DDC: variants seen among roughly 807,000 people sequenced by gnomAD.
The protein encoded by DDC is dopa decarboxylase.
Under a neutral mutation model 60.0 loss-of-function variants are expected in DDC, and 43 were observed. The ratio of observed to expected loss-of-function variants is 0.72; its 90% CI spans 0.56 to 0.92. DDC has a LOEUF of 0.92. Among genes scored for constraint, DDC ranks in the 40% least tolerant of loss-of-function variants. The probability of loss-of-function intolerance (pLI) is 0.00; values close to 1 mark genes in which losing one functional copy is unlikely to be tolerated. For synonymous variants in DDC, 232 were observed against 234.6 expected (o/e 0.99, Z 0.10); for missense variants, 573 against 620.2 (o/e 0.92, Z 0.81).
intron 1 of DDC, among the ~76,000 whole-genome samples, chr7:50,560,056 C>A (rs1168707738): frequency 3.3e-5 from 5 of 152,334 alleles, no homozygotes; most frequent in Non-Finnish European, 5.9e-5. Flanking sequence ...CACCCCTTAA[C>A]TTGCTCTGTG....
chr7:50,493,115 C>A, intron 9 of DDC: 1 of 884,800 alleles, frequency 1.1e-6, no homozygotes, highest in South Asian at 1.4e-5. Flanking sequence ...TCAGTTTCCT[C>A]ATCTGTAAAG....
intron 6 of DDC, among the ~76,000 whole-genome samples, chr7:50,512,726 G>A (rs2043614470): frequency 6.6e-6 from 1 of 152,214 alleles, no homozygotes; most frequent in East Asian, 1.9e-4. Flanking sequence ...CCTGCCCATT[G>A]CTGCAAGACC....
intron 1 of DDC, among the ~76,000 whole-genome samples, chr7:50,559,052 G>A (rs115585008): frequency 0.013 from 1,930 of 152,326 alleles, 50 homozygotes; most frequent in African/African-American, 0.045. Context: ...CAAAGCAGAA[G>A]AAATGTTGAA....
intron 2 of DDC, among the ~76,000 whole-genome samples, chr7:50,541,170 T>A (rs2044617260): frequency 5.3e-5 from 8 of 152,242 alleles, no homozygotes; most frequent in Admixed American, 3.9e-4. Context: ...TGTCCCCTGC[T>A]GGTGCTCCAT....
intron 6 of DDC, among the ~76,000 whole-genome samples, chr7:50,525,221 A>G (rs1436813507): frequency 1.3e-5 from 2 of 152,210 alleles, no homozygotes; most frequent in African/African-American, 4.8e-5. Flanking sequence ...ATCAGGGAGT[A>G]GCAGAGGCAG....
intron 9 of DDC, among the ~76,000 whole-genome samples, chr7:50,480,935 T>C (rs1352113201): frequency 1.3e-5 from 2 of 152,202 alleles, no homozygotes; most frequent in African/African-American, 4.8e-5. Context: ...GGCTGGCCTT[T>C]GAAGGGCCTG....
chr7:50,502,431 T>A (rs1449616238), intron 7 of DDC, among the ~76,000 whole-genome samples: 1 of 152,148 alleles, frequency 6.6e-6, no homozygotes, highest in Admixed American at 6.5e-5. Flanking sequence ...TTAAATCCGA[T>A]AGCCCTAGGG....
chr7:50,528,523 G>A lies in DDC; in HGVS notation c.571-243C>T, dbSNP rs144468465. ...TTTAAAGTATCAGGCACTAACAAGG[G>A]TAAAGTGCTGGGTCAATATTTATGA... On this transcript the variant is annotated intron_variant, in intron 5 of 14. Coordinates refer to ENST00000444124, the MANE Select transcript of DDC (RefSeq NM_001082971.2). 9.5e-4 allele frequency among the ~76,000 whole-genome samples: 145 copies of A among 152,262 alleles called. 1 individual carries two copies. The highest frequency in any genetic ancestry group is 3.2e-3 in the African/African-American group (133 of 41,526).
At chr7:50,553,992 G>A (rs906423865) in intron 1 of DDC, among the ~76,000 whole-genome samples, 6 of 152,094 alleles carry the variant, frequency 3.9e-5, no homozygotes, top group Non-Finnish European at 7.4e-5. Flanking sequence ...TACACAACAG[G>A]CCACTAAGAA....
At chr7:50,519,856 A>C (rs186744806) in intron 6 of DDC, among the ~76,000 whole-genome samples, 1 of 152,318 alleles carries the variant, frequency 6.6e-6, no homozygotes, top group Admixed American at 6.5e-5. Flanking sequence ...TACTCATGTA[A>C]CCAAATACCA....
chr7:50,508,645 C>A (rs1281543414), intron 6 of DDC, among the ~76,000 whole-genome samples: 1 of 152,186 alleles, frequency 6.6e-6, no homozygotes, highest in East Asian at 1.9e-4. Flanking sequence ...TTGCCCTCAG[C>A]AGCAAGTCTT....
intron 1 of DDC, among the ~76,000 whole-genome samples, chr7:50,551,513 G>A (rs902114736): frequency 1.3e-5 from 2 of 152,118 alleles, no homozygotes; most frequent in East Asian, 1.9e-4. Flanking sequence ...GATTACAGGC[G>A]TGAGCCACCG....
At chr7:50,507,887 C>T (rs2043443814) in intron 6 of DDC, among the ~76,000 whole-genome samples, 1 of 152,212 alleles carries the variant, frequency 6.6e-6, no homozygotes, top group Non-Finnish European at 1.5e-5. Context: ...GTTAGATATG[C>T]TCGTGATTCC....
intron 4 of DDC, among the ~76,000 whole-genome samples, chr7:50,533,671 GA>G (rs1563034524): frequency 6.6e-6 from 1 of 152,140 alleles, no homozygotes; most frequent in Non-Finnish European, 1.5e-5. Context: ...GGGAAATATC[GA>G]AAGGAAGAGA....
chr7:50,560,229 T>G (rs2045311297), intron 1 of DDC, among the ~76,000 whole-genome samples: 1 of 152,198 alleles, frequency 6.6e-6, no homozygotes, highest in African/African-American at 2.4e-5. Flanking sequence ...GGGGAAACTC[T>G]GCTTATCTGA....
intron 2 of DDC, among the ~76,000 whole-genome samples, 192 bp downstream of exon 2, chr7:50,543,693 T>C (rs1464601818): frequency 2.6e-5 from 4 of 152,334 alleles, no homozygotes; most frequent in African/African-American, 7.2e-5. Flanking sequence ...GTACTACCTG[T>C]GTGACCTGAG....
At chr7:50,543,783 C>A (rs903432679) in intron 2 of DDC, 102 bp downstream of exon 2, 1 of 1,160,548 alleles carries the variant, frequency 8.6e-7, no homozygotes, top group African/African-American at 1.5e-5. Flanking sequence ...AACCTGACTG[C>A]CATAGGGATT....
chr7:50,534,186 C>T (rs369981405), intron 4 of DDC, among the ~76,000 whole-genome samples: 5 of 152,328 alleles, frequency 3.3e-5, no homozygotes, highest in African/African-American at 1.2e-4. Context: ...TCCCTTGTAC[C>T]TACTCCTTAT....
chr7:50,551,419 A>G (rs1563050406), intron 1 of DDC, among the ~76,000 whole-genome samples: 1 of 151,412 alleles, frequency 6.6e-6, no homozygotes, highest in Non-Finnish European at 1.5e-5. Context: ...TTTTAGTAGA[A>G]ACAGGGTTTC....
Sources: gnomAD v4.1 joint callset for allele counts (sites outside exome capture counted in the v4.1 genomes callset) on GRCh38, gnomAD v4.1.1 for gene constraint, MANE v1.5 for transcripts, NCBI Gene and HGNC (gene_info 2026-07-23, HGNC 2026-07-21) for gene names.